The following SCARB2 variants were observed in gnomAD, a reference collection of about 807,000 sequenced individuals.
SCARB2 encodes lysosome membrane protein 2.
In SCARB2, 29 loss-of-function variants were observed where a neutral mutation model predicts 58.6. The ratio of observed to expected loss-of-function variants is 0.49; its 90% CI spans 0.37 to 0.67. The LOEUF is 0.67. Ranked by LOEUF, SCARB2 falls within the 30% of genes least tolerant of loss-of-function variation. The pLI, the probability that SCARB2 is intolerant of heterozygous loss-of-function variation, is 0.00. For missense variants in SCARB2, 488 were observed against 578.5 expected (o/e 0.84, Z 1.60); for synonymous variants, 195 against 210.1 (o/e 0.93, Z 0.62).
intron 7 of SCARB2, chr4:76,172,690 TTTC>T (rs1414570827): frequency 6.6e-6 from 1 of 152,070 alleles, no homozygotes; most frequent in Non-Finnish European, 1.5e-5. Flanking sequence ...TTTTTTTTTT[TTTC>T]TTTTTTAAAA....
chr4:76,165,846 A>T (rs1731997434), intron 10 of SCARB2: 1 of 237,388 alleles, frequency 4.2e-6, no homozygotes, highest in Admixed American at 5.1e-5. Flanking sequence ...GTGATTCAGA[A>T]AAGAATTTAT....
intron 1 of SCARB2, among the ~76,000 whole-genome samples, chr4:76,228,790 T>G (rs1281374200): frequency 1.3e-5 from 2 of 152,188 alleles, no homozygotes; most frequent in African/African-American, 2.4e-5. Context: ...GATTCTTTCC[T>G]TCATCTTGAT....
chr4:76,188,688 T>C (rs1732537550), intron 2 of SCARB2, among the ~76,000 whole-genome samples: 1 of 152,228 alleles, frequency 6.6e-6, no homozygotes, highest in African/African-American at 2.4e-5. Flanking sequence ...TGTTCTGTCT[T>C]ATCCAGCCTA....
At chr4:76,165,886 A>AACC in intron 10 of SCARB2, 3 of 345,826 alleles carry the variant, frequency 8.7e-6, no homozygotes, top group African/African-American at 6.3e-5. Context: ...CATGGTTTCA[A>AACC]AGAAGGGGGA....
At chr4:76,217,758 G>A (rs185584293), upstream of SCARB2, 157 of 485,522 alleles carry the variant, frequency 3.2e-4, 3 homozygotes, top group East Asian at 3.2e-3. Context: ...AAGGAGATAC[G>A]GTGATCTCTC....
At chr4:76,172,188 CTT>C (rs1732145536) in intron 7 of SCARB2, among the ~76,000 whole-genome samples, 1 of 147,158 alleles carries the variant, frequency 6.8e-6, no homozygotes, top group Admixed American at 6.8e-5. Flanking sequence ...ATGAAAAATA[CTT>C]TTGTCAGTTG....
chr4:76,204,650 T>C (rs1252816162), intron 1 of SCARB2, among the ~76,000 whole-genome samples: 1 of 152,108 alleles, frequency 6.6e-6, no homozygotes, highest in African/African-American at 2.4e-5. Flanking sequence ...GAGGGGAATA[T>C]ATATATACAT....
upstream of SCARB2, among the ~76,000 whole-genome samples, chr4:76,218,687 G>T (rs1733256434): frequency 6.6e-6 from 1 of 151,990 alleles, no homozygotes; most frequent in Non-Finnish European, 1.5e-5. Context: ...CAGACTTATT[G>T]AAACACGGAA....
intron 2 of SCARB2, among the ~76,000 whole-genome samples, chr4:76,186,276 G>A (rs1732483384): frequency 6.6e-6 from 1 of 152,162 alleles, no homozygotes; most frequent in African/African-American, 2.4e-5. Context: ...AGGCAGCGGT[G>A]GGGCGAAGGT....
intron 10 of SCARB2, 71 bp downstream of exon 10, chr4:76,166,179 A>G: frequency 2.1e-6 from 3 of 1,413,372 alleles, no homozygotes; most frequent in Non-Finnish European, 3.0e-6. Context: ...ATGTAACTAC[A>G]ACAGTAGACA....
intron 1 of SCARB2, among the ~76,000 whole-genome samples, chr4:76,198,816 T>G (rs1184324941): frequency 1.3e-5 from 2 of 150,800 alleles, no homozygotes; most frequent in African/African-American, 4.9e-5. Flanking sequence ...AATCCCAGAG[T>G]AGATCACGTG....
At chr4:76,217,598 C>G, upstream of SCARB2, 1 of 558,386 alleles carries the variant, frequency 1.8e-6, no homozygotes, top group Non-Finnish European at 3.2e-6. Flanking sequence ...CAGCCTGAGG[C>G]CCTCATCCAA....
chr4:76,188,823 C>G (rs1344572517), intron 2 of SCARB2, among the ~76,000 whole-genome samples: 3 of 152,204 alleles, frequency 2.0e-5, no homozygotes, highest in Non-Finnish European at 4.4e-5. Flanking sequence ...CCATGTTTTT[C>G]TACAAATCCC....
At chr4:76,232,862 A>G (rs978341410) in intron 1 of SCARB2, among the ~76,000 whole-genome samples, 1 of 152,212 alleles carries the variant, frequency 6.6e-6, no homozygotes, top group African/African-American at 2.4e-5. Context: ...ATTACTATAA[A>G]CAATTTTGCC....
intron 10 of SCARB2, chr4:76,165,433 T>C (rs149882113): frequency 1.3e-5 from 2 of 152,160 alleles, no homozygotes; most frequent in East Asian, 1.9e-4. Context: ...CTGCCTCTGA[T>C]AGAGAGGGAC....
intron 8 of SCARB2, 78 bp from the exon 9 acceptor site, chr4:76,168,554 T>C: frequency 8.6e-7 from 1 of 1,169,296 alleles, no homozygotes; most frequent in Non-Finnish European, 1.3e-6. Flanking sequence ...GCACCATTTC[T>C]GTGTAGTCCT....
intron 4 of SCARB2, among the ~76,000 whole-genome samples, chr4:76,177,597 A>G (rs532154781): frequency 6.6e-6 from 1 of 152,338 alleles, no homozygotes; most frequent in Admixed American, 6.5e-5. Context: ...CAGCACTTCT[A>G]ATAATAGCCA....
chr4:76,220,497 T>C (rs1254988703), intron 1 of SCARB2, among the ~76,000 whole-genome samples: 1 of 152,124 alleles, frequency 6.6e-6, no homozygotes, highest in Admixed American at 6.5e-5. Flanking sequence ...CACGGTGGCA[T>C]GCACCTATAG....
At chr4:76,226,463 A>G (rs542355193) in intron 1 of SCARB2, among the ~76,000 whole-genome samples, 22 of 152,326 alleles carry the variant, frequency 1.4e-4, no homozygotes, top group African/African-American at 5.1e-4. Context: ...TCCAGAGGCT[A>G]AGAGGGGTTT....
Sources: allele counts gnomAD v4.1 joint callset (sites outside exome capture counted in the v4.1 genomes callset), GRCh38; gene constraint gnomAD v4.1.1; transcripts MANE v1.5; gene names NCBI Gene and HGNC (gene_info 2026-07-23, HGNC 2026-07-21).